MACROD2: variants seen among roughly 807,000 people sequenced by gnomAD.
MACROD2 encodes mono-ADP ribosylhydrolase 2, also known as ADP-ribose glycohydrolase MACROD2.
A neutral mutation model predicts 70.4 loss-of-function variants in MACROD2; 36 were observed. That is an observed-to-expected ratio of 0.51 (90% CI 0.39 to 0.68). The LOEUF (loss-of-function observed/expected upper bound fraction) is 0.68. Among genes scored for constraint, MACROD2 ranks in the 30% least tolerant of loss-of-function variants. MACROD2 has a pLI of 0.00. For missense variants in MACROD2, 496 were observed against 538.4 expected (o/e 0.92, Z 0.78); for synonymous variants, 172 against 178.8 (o/e 0.96, Z 0.30).
At chr20:14,906,764 G>GT (rs1163258596) in intron 5 of MACROD2, among the ~76,000 whole-genome samples, 5 of 152,010 alleles carry the variant, frequency 3.3e-5, no homozygotes, top group South Asian at 4.2e-4. Flanking sequence ...TATTTCTTTC[G>GT]TAAGTCTTCT....
At chr20:14,654,387 A>C (rs1444409632) in intron 4 of MACROD2, among the ~76,000 whole-genome samples, 4 of 151,924 alleles carry the variant, frequency 2.6e-5, no homozygotes, top group Non-Finnish European at 5.9e-5. Context: ...TCTCTGCTAA[A>C]GTACAAAAAT....
At chr20:14,166,125 C>T (rs1201942573) in intron 3 of MACROD2, among the ~76,000 whole-genome samples, 2 of 152,014 alleles carry the variant, frequency 1.3e-5, no homozygotes, top group Non-Finnish European at 2.9e-5. Context: ...ATACAATTCA[C>T]ACAGATTGTC....
intron 2 of MACROD2, among the ~76,000 whole-genome samples, chr20:14,022,549 G>A (rs980841004): frequency 2.0e-5 from 3 of 151,032 alleles, no homozygotes; most frequent in Admixed American, 6.6e-5. Flanking sequence ...CCATCAACCC[G>A]TCATCTACAT....
intron 3 of MACROD2, among the ~76,000 whole-genome samples, chr20:14,365,174 A>G (rs965990896): frequency 1.3e-5 from 2 of 151,752 alleles, no homozygotes; most frequent in African/African-American, 4.8e-5. Flanking sequence ...GATATTTTCC[A>G]TTTCTTCTTT....
intron 5 of MACROD2, among the ~76,000 whole-genome samples, chr20:15,196,530 A>T (rs1410595940): frequency 2.0e-5 from 3 of 152,178 alleles, no homozygotes; most frequent in African/African-American, 7.2e-5. Context: ...CCTTCCATTG[A>T]AAAGAAATAA....
At chr20:15,803,688 A>G (rs2063745478) in intron 8 of MACROD2, among the ~76,000 whole-genome samples, 1 of 152,180 alleles carries the variant, frequency 6.6e-6, no homozygotes, top group South Asian at 2.1e-4. Flanking sequence ...TCTTACAGGG[A>G]CATTCTGTCA....
chr20:15,403,689 T>C (rs931810885), intron 6 of MACROD2, among the ~76,000 whole-genome samples: 2 of 151,034 alleles, frequency 1.3e-5, no homozygotes, highest in Non-Finnish European at 2.9e-5. Context: ...AATTTTTGTC[T>C]CTTAATATGA....
intron 5 of MACROD2, among the ~76,000 whole-genome samples, chr20:15,035,868 C>T (rs2075308861): frequency 1.3e-5 from 2 of 152,140 alleles, no homozygotes; most frequent in Admixed American, 1.3e-4. Flanking sequence ...CTGGCACTGC[C>T]AGCCCTGCTC....
chr20:15,553,602 T>C (rs2048126706), intron 8 of MACROD2, among the ~76,000 whole-genome samples: 5 of 152,036 alleles, frequency 3.3e-5, no homozygotes, highest in Admixed American at 2.6e-4. Flanking sequence ...TAATTTTTAG[T>C]AGAGTTGGGG....
intron 5 of MACROD2, among the ~76,000 whole-genome samples, chr20:15,097,610 A>C (rs2075843634): frequency 6.6e-6 from 1 of 152,210 alleles, no homozygotes; most frequent in Non-Finnish European, 1.5e-5. Flanking sequence ...CAATGGAGAA[A>C]TAGGATTGAG....
At chr20:15,416,066 G>A (rs1478520722) in intron 6 of MACROD2, among the ~76,000 whole-genome samples, 2 of 152,202 alleles carry the variant, frequency 1.3e-5, no homozygotes, top group Non-Finnish European at 1.5e-5. Flanking sequence ...ACTGAGAAAT[G>A]TGGAGAAATA....
At chr20:14,837,904 C>G (rs1304588939) in intron 5 of MACROD2, among the ~76,000 whole-genome samples, 1 of 151,224 alleles carries the variant, frequency 6.6e-6, no homozygotes, top group Admixed American at 6.6e-5. Context: ...CCACATTCCC[C>G]CTGAGGGAAA....
intron 3 of MACROD2, among the ~76,000 whole-genome samples, chr20:14,279,140 C>G (rs1373724843): frequency 6.6e-6 from 1 of 152,104 alleles, no homozygotes; most frequent in East Asian, 1.9e-4. Flanking sequence ...ACATGGGGTA[C>G]TAAAGGCTTA....
rs1233998110 is a variant in MACROD2 at position 15,444,918 on chromosome 20, TATC to T, written c.571+13486_571+13488del. Reference sequence around the variant, plus strand: ...TAATTGGATAATGCATTAAAATGCTTATCATAGTGTCATATATAAACACAAACA... The same window carrying T: ...TAATTGGATAATGCATTAAAATGCTTATAGTGTCATATATAAACACAAACA... On this transcript the variant is annotated intron_variant, in intron 7 of 17. Transcript: ENST00000684519. Among the ~76,000 whole-genome samples, 16 of 151,832 alleles carry T rather than the reference TATC, an allele frequency of 1.1e-4. No homozygotes were observed. The East Asian group carries it at 3.1e-3, about 29-fold the overall frequency.
intron 8 of MACROD2, among the ~76,000 whole-genome samples, chr20:15,845,904 A>G (rs75619389): frequency 0.029 from 4,435 of 152,260 alleles, 211 homozygotes; most frequent in African/African-American, 0.1. Context: ...ACTGTGACCA[A>G]TGAAATTTAA....
At chr20:15,170,759 C>T (rs2076416875) in intron 5 of MACROD2, among the ~76,000 whole-genome samples, 1 of 152,212 alleles carries the variant, frequency 6.6e-6, no homozygotes. Context: ...ACAGTGTTTT[C>T]AGTTGTCACA....
chr20:14,499,366 A>C (rs950487590), intron 4 of MACROD2, among the ~76,000 whole-genome samples: 2 of 152,114 alleles, frequency 1.3e-5, no homozygotes, highest in South Asian at 2.1e-4. Flanking sequence ...CCTCATCTCT[A>C]CAAAAAATAA....
At chr20:14,109,813 A>G (rs150512459) in intron 3 of MACROD2, among the ~76,000 whole-genome samples, 10 of 152,008 alleles carry the variant, frequency 6.6e-5, no homozygotes, top group African/African-American at 2.4e-4. Context: ...GAATTCTACT[A>G]AACATTTAAA....
chr20:15,978,610 C>G (rs1420845102), intron 13 of MACROD2, among the ~76,000 whole-genome samples: 1 of 151,938 alleles, frequency 6.6e-6, no homozygotes, highest in Non-Finnish European at 1.5e-5. Context: ...CTCTCTCTCT[C>G]TCTCTCGTTC....
Sources: allele counts gnomAD v4.1 joint callset (sites outside exome capture counted in the v4.1 genomes callset), GRCh38; gene constraint gnomAD v4.1.1; transcripts MANE v1.5; gene names NCBI Gene and HGNC (gene_info 2026-07-23, HGNC 2026-07-21).